NEB: variants seen among roughly 807,000 people sequenced by gnomAD.
The protein encoded by NEB is nebulin, also known as nemaline myopathy type 2.
NEB carries 512 observed loss-of-function variants against 952.2 expected under a neutral mutation model. The ratio of observed to expected loss-of-function variants is 0.54; its 90% confidence interval spans 0.50 to 0.58. The LOEUF (loss-of-function observed/expected upper bound fraction) is 0.58, where lower values mean the gene tolerates loss of function less well. NEB is among the 20% of genes least tolerant of loss of function. NEB has a pLI of 0.00. For missense variants in NEB, 8,428 were observed against 9,231.1 expected (o/e 0.91, Z 3.56); for synonymous variants, 2,900 against 3,149.8 (o/e 0.92, Z 2.66).
At chr2:151,636,793 C>T (rs1483022310) in intron 63 of NEB, among the ~76,000 whole-genome samples, 1 of 148,166 alleles carries the variant, frequency 6.7e-6, no homozygotes, top group Non-Finnish European at 1.5e-5. Flanking sequence ...AAAAACAAAA[C>T]AAAACAAAAA....
intron 36 of NEB, 102 bp downstream of exon 36, chr2:151,674,375 T>C (rs2099340745): frequency 2.1e-6 from 2 of 935,558 alleles, no homozygotes; most frequent in Non-Finnish European, 1.7e-6. Flanking sequence ...TTAAATGCCA[T>C]TAATTTAACA....
chr2:151,674,808 A>G (rs1428334486), intron 35 of NEB, among the ~76,000 whole-genome samples: 1 of 152,214 alleles, frequency 6.6e-6, no homozygotes, highest in African/African-American at 2.4e-5. Flanking sequence ...AGAGAGGAAT[A>G]TTGAAAGACT....
Position 151,659,243 on chromosome 2 carries a change from C to T in NEB, c.5971-74G>A, listed in dbSNP as rs78690011. 6.2e-4 allele frequency: 471 copies of T among 761,040 alleles called. 2 individuals are homozygous for T. The African/African-American group carries it at 6.9e-3, about 11-fold the overall frequency. The allele number at this position is 761,040 out of a possible 1,614,324, so 47.1% of individuals were successfully genotyped here. A position where few individuals can be genotyped will look rare whatever the true frequency, so the allele number is the denominator to read the frequency against. On this transcript the variant is annotated intron_variant, in intron 46 of 181. Transcript: ENST00000397345. Reference sequence around the variant, plus strand: ...CACTTAGTACATACATATCATTGTACATATATATCAATATTTCATGTATTT... The same window carrying T: ...CACTTAGTACATACATATCATTGTATATATATATCAATATTTCATGTATTT...
At chr2:151,552,026 C>T (rs1453866275) in intron 128 of NEB, among the ~76,000 whole-genome samples, 181 bp from the exon 129 acceptor site, 1 of 152,074 alleles carries the variant, frequency 6.6e-6, no homozygotes, top group Non-Finnish European at 1.5e-5. Context: ...GAAGAGATGG[C>T]CCAGGCACAA....
In NEB at chr2:151,512,631, G is replaced by GA. The variant is rs1559408379; in HGVS notation, c.23346+101dup. 6.6e-6 allele frequency: 6 copies of GA among 911,054 alleles called. No individual in the cohort carries two copies. The East Asian group carries it at 1.6e-4, about 24-fold the overall frequency. 56.4% of individuals were successfully genotyped at this position (911,054 alleles called of 1,614,324 possible). ...ACCTGGTGAATCTCTTTTTTATTGGGAAAAACTGATCTGAAGAATCTCTTA... is the reference window on the plus strand; with the variant it reads ...ACCTGGTGAATCTCTTTTTTATTGGGAAAAAACTGATCTGAAGAATCTCTTA... On this transcript the variant is annotated intron_variant, in intron 161 of 181. Coordinates refer to ENST00000397345, the MANE Select transcript of NEB (RefSeq NM_001164508.2).
chr2:151,576,261 T>C lies in NEB; in HGVS notation c.16798A>G (p.Ile5600Val), dbSNP rs1560133104. The change falls in exon 106 of 182, where the codon ATC becomes GTC. Residue 5600 changes from isoleucine to valine, a missense_variant. By Grantham distance (29) the Ile-to-Val change is conservative. Transcript: ENST00000397345. ...EVLRVKNAQNIFCDSVYRTPV... is the reference protein window; with the variant it reads ...EVLRVKNAQNVFCDSVYRTPV... ...GTCCGATAGACACTGTCACAAAAGA[T>C]ATTCTGGGCGTTTTTGACTCTCAAC... 6.2e-7 allele frequency: 1 copy of C among 1,611,272 alleles called. No individual in the cohort carries two copies. The highest frequency in any genetic ancestry group is 1.1e-5 in the South Asian group (1 of 90,918).
intron 74 of NEB, among the ~76,000 whole-genome samples, chr2:151,617,862 G>A (rs2098256607): frequency 2.0e-5 from 3 of 151,910 alleles, no homozygotes; most frequent in Non-Finnish European, 1.5e-5. Flanking sequence ...AGGAGTTTGA[G>A]ACCAGCCTTC....
At chr2:151,547,305 G>T (rs529869416) in intron 133 of NEB, 124 bp downstream of exon 133, 3 of 712,136 alleles carry the variant, frequency 4.2e-6, no homozygotes, top group Non-Finnish European at 4.7e-6. Context: ...CCTCCAACTT[G>T]TACTCTTTGT....
intron 179 of NEB, 77 bp from the exon 180 acceptor site, chr2:151,490,595 TCA>T: frequency 6.7e-7 from 1 of 1,500,802 alleles, no homozygotes; most frequent in Non-Finnish European, 9.1e-7. Context: ...TGATTGAATC[TCA>T]GTTATTGTTA....
Position 151,636,449 on chromosome 2 carries a change from A to G in NEB, c.8995-115T>C, listed in dbSNP as rs948514517. 9 of 833,966 alleles carry G rather than the reference A, an allele frequency of 1.1e-5. No homozygotes were observed. In the African/African-American group the frequency reaches 1.6e-4, roughly 14 times the overall value. The allele number at this position is 833,966 out of a possible 1,614,324, so 51.7% of individuals were successfully genotyped here. A position where few individuals can be genotyped will look rare whatever the true frequency, so the allele number is the denominator to read the frequency against. ...AGTGCCTATAATAATCTTTCTTTTG[A>G]GAGTTCTAAGCCTTCTGCATGTTTG... On this transcript the variant is annotated intron_variant, in intron 63 of 181. Transcript: ENST00000397345.
At chr2:151,570,748 T>C (rs1000892407) in intron 107 of NEB, 147 bp from the exon 108 acceptor site, 10 of 699,906 alleles carry the variant, frequency 1.4e-5, no homozygotes, top group African/African-American at 1.2e-4. Flanking sequence ...AGAATCATTC[T>C]ATGCACCATT....
chr2:151,514,350 T>C lies in NEB; in HGVS notation c.23095A>G (p.Arg7699Gly). 1 of 1,613,758 alleles carries C rather than the reference T, an allele frequency of 6.2e-7. No homozygotes were observed. Among genetic ancestry groups the C allele is most frequent in the Non-Finnish European group, 8.5e-7 (1 of 1,179,660 alleles). Residue 7699 changes from arginine to glycine, a missense_variant, in exon 159 of 182, where the codon AGA (arginine) becomes GGA (glycine). Around this residue, in one of 11 missense-constraint regions of NEB, gnomAD observed 3,374 missense variants for 3,651.5 expected, o/e 0.92. Coordinates refer to ENST00000397345, the MANE Select transcript of NEB (RefSeq NM_001164508.2). Reference protein sequence around the residue: ...TEMEDTPDMLRAKNATQILNE... With the variant: ...TEMEDTPDMLGAKNATQILNE... The stretch of plus-strand genomic sequence containing the variant: ...AGGATTTGAGTGGCATTCTTTGCTC[T>C]TAGCATGTCAGGTGTATCTTCCATT...
chr2:151,660,257 C>T (rs1184521368), intron 46 of NEB, among the ~76,000 whole-genome samples: 2 of 152,182 alleles, frequency 1.3e-5, no homozygotes, highest in Non-Finnish European at 2.9e-5. Flanking sequence ...CCGGCCTAGT[C>T]CTTCTTCCCA....
chr2:151,682,586 G>C (rs2099428417), intron 29 of NEB, 76 bp downstream of exon 29: 3 of 1,174,572 alleles, frequency 2.6e-6, no homozygotes, highest in Non-Finnish European at 3.7e-6. Context: ...AGCAATGAAG[G>C]AGCACTGCCC....
chr2:151,724,747 C>T, intron 7 of NEB, 110 bp downstream of exon 7: 1 of 803,290 alleles, frequency 1.2e-6, no homozygotes, highest in Non-Finnish European at 2.0e-6. Flanking sequence ...ACTCACACTG[C>T]CCATGAGGCT....
At chr2:151,502,398 A>G (rs924134641) in intron 167 of NEB, among the ~76,000 whole-genome samples, 3 of 152,152 alleles carry the variant, frequency 2.0e-5, no homozygotes, top group Admixed American at 2.0e-4. Context: ...AAAAAAAAAA[A>G]AACTTAAAAG....
intron 94 of NEB, among the ~76,000 whole-genome samples, 176 bp from the exon 95 acceptor site, chr2:151,592,314 TA>T (rs2097311054): frequency 6.7e-6 from 1 of 149,426 alleles, no homozygotes; most frequent in East Asian, 2.0e-4. Context: ...TAAGTAAGAT[TA>T]ATAGGTAAAT....
chr2:151,507,439 T>C (rs900267018), intron 162 of NEB, among the ~76,000 whole-genome samples: 9 of 152,246 alleles, frequency 5.9e-5, no homozygotes, highest in African/African-American at 1.9e-4. Flanking sequence ...CAGATAATAA[T>C]TATCTGACCT....
chr2:151,618,985 A>T (rs186909172), intron 73 of NEB, among the ~76,000 whole-genome samples: 1 of 152,204 alleles, frequency 6.6e-6, no homozygotes, highest in East Asian at 1.9e-4. Flanking sequence ...CTGAATGTTG[A>T]TAAGTATTAG....
Sources: gnomAD v4.1 joint callset for allele counts (sites outside exome capture counted in the v4.1 genomes callset) on GRCh38, gnomAD v4.1.1 for gene constraint, gnomAD v4.1.1 regional missense constraint, MANE v1.5 for transcripts, NCBI Gene and HGNC (gene_info 2026-07-23, HGNC 2026-07-21) for gene names.